The following SMC2 variants were observed in gnomAD, a reference collection of about 807,000 sequenced individuals.
SMC2 encodes the protein structural maintenance of chromosomes 2.
A neutral mutation model predicts 142.6 loss-of-function variants in SMC2; 41 were observed. The ratio of observed to expected loss-of-function variants is 0.29; its 90% CI spans 0.22 to 0.37. The LOEUF (loss-of-function observed/expected upper bound fraction) is 0.37. Ranked by LOEUF, SMC2 falls within the 10% of genes least tolerant of loss-of-function variation. The probability of loss-of-function intolerance (pLI) is 1.00; values close to 1 mark genes in which losing one functional copy is unlikely to be tolerated. For missense variants in SMC2, 1,265 were observed against 1,373.7 expected, an observed-to-expected ratio of 0.92 and a Z score of 1.25; for synonymous variants, 463 against 457.5, an observed-to-expected ratio of 1.01 and a Z score of -0.15.
intron 12 of SMC2, among the ~76,000 whole-genome samples, chr9:104,114,468 G>A (rs1200210889): frequency 1.3e-5 from 2 of 152,104 alleles, no homozygotes; most frequent in Non-Finnish European, 2.9e-5. Flanking sequence ...CATCAGAGTT[G>A]TTCTTACTAC....
chr9:104,114,095 G>A lies in SMC2; in HGVS notation c.1532+14G>A. The A allele has an allele frequency of 1.4e-6, 2 of 1,390,416 alleles. No individual in the cohort carries two copies. Among genetic ancestry groups the A allele is most frequent in the Non-Finnish European group, 9.9e-7 (1 of 1,008,112 alleles). The allele number at this position is 1,390,416 out of a possible 1,614,324, so 86.1% of individuals were successfully genotyped here. On this transcript the variant is annotated intron_variant, in intron 12 of 24. Coordinates refer to ENST00000374793, the MANE Select transcript of SMC2 (RefSeq NM_006444.3). ...ATTTGCATACAAGTAAGAGACTTAA[G>A]CCTTGAATTTTAACATAGTAATAAT...
intron 14 of SMC2, among the ~76,000 whole-genome samples, chr9:104,116,625 C>A (rs10991112): frequency 0.057 from 8,634 of 151,984 alleles, 661 homozygotes; most frequent in African/African-American, 0.18. Flanking sequence ...CTTCTAGATA[C>A]GTACCCCAAA....
At chr9:104,125,527 G>A (rs1309268533) in intron 18 of SMC2, among the ~76,000 whole-genome samples, 1 of 151,942 alleles carries the variant, frequency 6.6e-6, no homozygotes, top group African/African-American at 2.4e-5. Context: ...TGTGAGTAGG[G>A]GATGCTAATT....
chr9:104,121,273 G>A (rs1384787860), intron 16 of SMC2, among the ~76,000 whole-genome samples: 3 of 152,054 alleles, frequency 2.0e-5, no homozygotes, highest in Non-Finnish European at 4.4e-5. Context: ...CGGGTGGATC[G>A]CTTGAGCTCA....
rs774243618 is a variant in SMC2, at chr9:104,113,986, G to A, written c.1437G>A (p.Leu479=). The A allele has an allele frequency of 1.3e-6, 2 of 1,581,822 alleles. No individual in the cohort carries two copies. Residue 479 remains leucine, a synonymous_variant, in exon 12 of 25, where the codon TTG becomes TTA. Coordinates refer to ENST00000374793, the MANE Select transcript of SMC2 (RefSeq NM_006444.3). ...NYEENKEESL[L]EKRRQLSRDI... Reference sequence around the variant, plus strand: ...CAGAAAATAAAGAGGAAAGCCTTTTGGAAAAGCGCAGGCAGCTGTCTCGTG... The same window carrying A: ...CAGAAAATAAAGAGGAAAGCCTTTTAGAAAAGCGCAGGCAGCTGTCTCGTG...
chr9:104,113,741 A>G (rs1832755933), intron 11 of SMC2, among the ~76,000 whole-genome samples: 1 of 152,150 alleles, frequency 6.6e-6, no homozygotes, highest in Non-Finnish European at 1.5e-5. Flanking sequence ...TTAGGCATTC[A>G]GTTTGTATGT....
At position 104,118,358 on chromosome 9, in the gene SMC2, A is replaced by G. The variant is rs1004780388; in HGVS notation, c.1979A>G (p.His660Arg). 1 of 1,613,158 alleles carries G rather than the reference A, an allele frequency of 6.2e-7. No individual in the cohort carries two copies. The highest frequency in any genetic ancestry group is 1.7e-5 in the Admixed American group (1 of 59,976). ...CTCGGAGGTGATGTGTTTGATCCTC[A>G]TGGGACATTGAGTGGAGGTAAGTTT... ...VTLGGDVFDP[H>R]GTLSGGARSQ... Residue 660 changes from histidine (H) to arginine (R), a missense_variant, in exon 15 of 25, where the codon CAT becomes CGT. Physicochemically the swap from His to Arg is conservative, Grantham distance 29 (BLOSUM62 0). This residue lies in a region of SMC2 where 898 missense variants were observed against 904.2 expected (regional missense o/e 0.99). Coordinates refer to ENST00000374793, the MANE Select transcript of SMC2 (RefSeq NM_006444.3).
chr9:104,113,959 T>C lies in SMC2; in HGVS notation c.1415-5T>C. On this transcript the variant is annotated splice_polypyrimidine_tract_variant and splice_region_variant and intron_variant, in intron 11 of 24. Coordinates refer to ENST00000374793, the MANE Select transcript of SMC2 (RefSeq NM_006444.3). The stretch of plus-strand genomic sequence containing the variant: ...GGTTTTAATTTATTATGATTTATCC[T>C]TCAGAAAATAAAGAGGAAAGCCTTT... 1 of 1,537,494 alleles carries C rather than the reference T, an allele frequency of 6.5e-7. No homozygotes were observed. The highest frequency in any genetic ancestry group is 8.8e-7 in the Non-Finnish European group (1 of 1,138,210).
upstream of SMC2, among the ~76,000 whole-genome samples, chr9:104,090,946 C>T (rs1829974866): frequency 6.6e-6 from 1 of 152,156 alleles, no homozygotes; most frequent in African/African-American, 2.4e-5. Flanking sequence ...CCAAACAGAA[C>T]ATGTATTTTA....
intron 3 of SMC2, among the ~76,000 whole-genome samples, chr9:104,097,047 T>G (rs1830509962): frequency 6.6e-6 from 1 of 151,834 alleles, no homozygotes; most frequent in Admixed American, 6.5e-5. Flanking sequence ...CATATTAGAT[T>G]TACTTGAAAC....
chr9:104,138,288 A>ATCTATTTAAACATAAG, intron 24 of SMC2, 123 bp downstream of exon 24: 1 of 705,482 alleles, frequency 1.4e-6, no homozygotes, highest in Non-Finnish European at 2.1e-6. Context: ...AGCATTGTAT[A>ATCTATTTAAACATAAG]TCTATTTAAA....
intron 14 of SMC2, among the ~76,000 whole-genome samples, chr9:104,117,567 A>ATGTT (rs1265015513): frequency 1.3e-5 from 2 of 152,198 alleles, no homozygotes; most frequent in African/African-American, 4.8e-5. Flanking sequence ...CTGCTCTAGC[A>ATGTT]TGTTTCATTT....
intron 10 of SMC2, among the ~76,000 whole-genome samples, chr9:104,112,307 C>G (rs896277593): frequency 6.6e-6 from 1 of 152,184 alleles, no homozygotes; most frequent in Non-Finnish European, 1.5e-5. Context: ...ACATTCTAGT[C>G]TGCTCTCCCT....
At chr9:104,122,266 T>C (rs1205317766) in intron 16 of SMC2, among the ~76,000 whole-genome samples, 1 of 152,058 alleles carries the variant, frequency 6.6e-6, no homozygotes, top group Non-Finnish European at 1.5e-5. Context: ...GGAAGGAAAA[T>C]AGATTTTGAA....
chr9:104,116,296 ACT>A lies in SMC2; in HGVS notation c.1771_1772del (p.Leu591GlufsTer10). 6.2e-7 allele frequency: 1 copy of A among 1,605,392 alleles called. No individual in the cohort carries two copies. Among genetic ancestry groups the A allele is most frequent in the Admixed American group, 1.7e-5 (1 of 58,142 alleles). On this transcript the variant is annotated frameshift_variant, in exon 14 of 25. Transcript: ENST00000374793. LOFTEE classifies it high-confidence loss of function. ...TTCAGCCAGATGTATTGCACCAGAA[ACT>A]CTGAGAGTTGCTCAGAATCTTGTAA... is the stretch of plus-strand genomic sequence containing the variant. Reference protein sequence around the residue: ...KISARCIAPETLRVAQNLVGP... With the variant: ...KISARCIAPEXLRVAQNLVGP...
chr9:104,136,516 C>T (rs542122377), intron 23 of SMC2, among the ~76,000 whole-genome samples: 199 of 151,944 alleles, frequency 1.3e-3, no homozygotes, highest in African/African-American at 4.5e-3. Context: ...AAATTATTTC[C>T]ATAATTAAGA....
chr9:104,107,127 A>G (rs1456650467), intron 9 of SMC2, among the ~76,000 whole-genome samples: 1 of 152,146 alleles, frequency 6.6e-6, no homozygotes, highest in Non-Finnish European at 1.5e-5. Context: ...TTGATTTCAA[A>G]TGTACCATTT....
intron 2 of SMC2, 59 bp downstream of exon 2, chr9:104,095,611 ACTTT>A (rs1352386166): frequency 7.4e-7 from 1 of 1,349,278 alleles, no homozygotes; most frequent in Non-Finnish European, 1.1e-6. Context: ...TCCTCACTGA[ACTTT>A]GGAGACGTCC....
At chr9:104,121,603 C>T (rs1378091561) in intron 16 of SMC2, among the ~76,000 whole-genome samples, 1 of 151,960 alleles carries the variant, frequency 6.6e-6, no homozygotes, top group Non-Finnish European at 1.5e-5. Context: ...ATTCACAATA[C>T]TGAATACAAT....
Sources: allele counts gnomAD v4.1 joint callset (sites outside exome capture counted in the v4.1 genomes callset), GRCh38; gene constraint gnomAD v4.1.1; regional missense constraint gnomAD v4.1.1; transcripts MANE v1.5; gene names NCBI Gene and HGNC (gene_info 2026-07-23, HGNC 2026-07-21).